The following CCDC88C variants were observed in gnomAD, a reference collection of about 807,000 sequenced individuals.
CCDC88C encodes coiled-coil and HOOK domain protein 88C.
Under a neutral mutation model 198.8 loss-of-function variants are expected in CCDC88C, and 131 were observed. That is an observed-to-expected ratio of 0.66 (90% confidence interval 0.57 to 0.76). CCDC88C has a LOEUF of 0.76. Ranked by LOEUF, CCDC88C falls within the 30% of genes least tolerant of loss-of-function variation. CCDC88C has a pLI of 0.00. For synonymous variants in CCDC88C, 1,166 were observed against 1,114.7 expected, an observed-to-expected ratio of 1.05 and a Z score of -0.92; for missense variants, 2,553 against 2,631.6, an observed-to-expected ratio of 0.97 and a Z score of 0.65.
rs780347442 is a variant in CCDC88C at position 91,300,065 on chromosome 14, C to A, written c.3641G>T (p.Gly1214Val). The A allele has an allele frequency of 5.0e-6, 8 of 1,607,832 alleles. No individual in the cohort carries two copies. The Admixed American group carries it at 1.3e-4, about 27-fold the overall frequency. ...CTCCGCCTTGCGCTTCAGCATGTCA[C>A]CGTGCCTGTTGGAGGGAAGCACCTG... ...LEHKELGERHGDMLKRKAELE... is the reference protein window; with the variant it reads ...LEHKELGERHVDMLKRKAELE... Residue 1214 changes from glycine to valine, a missense_variant, in exon 21 of 30, where the codon GGT becomes GTT. This residue lies in a region of CCDC88C where 1,293 missense variants were observed against 1,219.6 expected (regional missense o/e 1.06). Transcript: ENST00000389857.
In CCDC88C at chr14:91,381,273, C is replaced by T. The variant is rs529493302; in HGVS notation, c.271-21562G>A. Among the ~76,000 whole-genome samples the T allele has an allele frequency of 3.3e-5, 5 of 152,138 alleles. No individual in the cohort carries two copies. The highest frequency in any genetic ancestry group is 7.2e-5 in the African/African-American group (3 of 41,422). On this transcript the variant is annotated intron_variant, in intron 3 of 29. Coordinates refer to ENST00000389857, the MANE Select transcript of CCDC88C (RefSeq NM_001080414.4). This position sits in a 1 kb window ranked among gnomAD's most constrained non-coding sequence, Gnocchi z 4.2. The stretch of plus-strand genomic sequence containing the variant: ...ACCCACCAGACCCCTCACACATGCC[C>T]GTGAGGGGGTCAAACTCCAAATCTC...
chr14:91,379,164 TTCTCTGACCCCTCATG>T (rs1884632790), intron 3 of CCDC88C: 1 of 152,274 alleles, frequency 6.6e-6, no homozygotes, highest in Non-Finnish European at 1.5e-5. Context: ...TTCTGATCCC[TTCTCTGACCCCTCATG>T]TTACTGGTCC....
At chr14:91,379,345 G>C (rs1398870736) in intron 3 of CCDC88C, 1 of 154,150 alleles carries the variant, frequency 6.5e-6, no homozygotes, top group Non-Finnish European at 1.4e-5. Flanking sequence ...GGGGGAGGCA[G>C]CTCTGAGAGG....
In CCDC88C at chr14:91,272,680, G is replaced by C. The variant is rs372103701; in HGVS notation, c.6032C>G (p.Ser2011Cys). 5.7e-5 allele frequency: 92 copies of C among 1,611,626 alleles called. No homozygotes were observed. Among genetic ancestry groups the C allele is most frequent in the Admixed American group, 1.2e-4 (7 of 60,000 alleles). Residue 2011 changes from serine (S) to cysteine (C), a missense_variant, in exon 30 of 30, where the codon TCC becomes TGC. Around this residue, in one of 2 missense-constraint regions of CCDC88C, gnomAD observed 1,293 missense variants for 1,219.6 expected, o/e 1.06. Transcript: ENST00000389857. ...RGSVSKSSPA[S>C]PEPGGDPQTV... ...CTGCGGATCCCCGCCGGGCTCCGGG[G>C]AGGCCGGACTGCTCTTTGAGACGCT...
Position 91,289,143 on chromosome 14 carries a change from G to A in CCDC88C, c.4403C>T (p.Ala1468Val), listed in dbSNP as rs767301277. 6.2e-7 allele frequency: 1 copy of A among 1,613,474 alleles called. No individual in the cohort carries two copies. Among genetic ancestry groups the A allele is most frequent in the Admixed American group, 1.7e-5 (1 of 60,006 alleles). The part of the protein sequence containing the change: ...PDTPALGSNC[A>V]EERDAHNGSV... Reference sequence around the variant, plus strand: ...CCCGTTGTGGGCGTCGCGCTCTTCTGCACAGTTGGAGCCCAGTGCGGGGGT... The same window carrying A: ...CCCGTTGTGGGCGTCGCGCTCTTCTACACAGTTGGAGCCCAGTGCGGGGGT... The change falls in exon 25 of 30, where the codon GCA (alanine) becomes GTA (valine). Residue 1468 changes from alanine to valine, a missense_variant. Ala to Val is a moderately conservative substitution (Grantham distance 64). Transcript: ENST00000389857.
intron 3 of CCDC88C, among the ~76,000 whole-genome samples, chr14:91,375,905 A>C (rs934037915): frequency 6.6e-6 from 1 of 152,230 alleles, no homozygotes; most frequent in Non-Finnish European, 1.5e-5. Context: ...CCCATTTTAC[A>C]GAGGAATAAA....
Position 91,321,127 on chromosome 14 carries a change from CT to C in CCDC88C, c.1519del (p.Ser507AlafsTer28). On this transcript the variant is annotated frameshift_variant, in exon 13 of 30. Coordinates refer to ENST00000389857, the MANE Select transcript of CCDC88C (RefSeq NM_001080414.4). LOFTEE classifies it high-confidence loss of function. ...GELEKENHQL[S>X]KKIEKLQTQL... ...CTAAGGAGGCCGAGGTACCTTCTTG[CT>C]GAGCTGGTGGTTCTCCTTCTCCAGC... 1 of 1,608,912 alleles carries C rather than the reference CT, an allele frequency of 6.2e-7. No individual in the cohort carries two copies. The highest frequency in any genetic ancestry group is 8.5e-7 in the Non-Finnish European group (1 of 1,177,482).
chr14:91,321,098 T>C (rs1160528120), intron 13 of CCDC88C, 22 bp downstream of exon 13: 1 of 1,589,572 alleles, frequency 6.3e-7, no homozygotes, highest in African/African-American at 1.3e-5. Flanking sequence ...GCTTCCCCGG[T>C]GGCCTAAGGA....
intron 3 of CCDC88C, among the ~76,000 whole-genome samples, chr14:91,376,927 G>A (rs1033755144): frequency 6.6e-6 from 1 of 152,164 alleles, no homozygotes; most frequent in Non-Finnish European, 1.5e-5. Context: ...CCAGGACATC[G>A]TGAAGAACTG....
intron 15 of CCDC88C, among the ~76,000 whole-genome samples, chr14:91,311,133 C>T (rs1040564905): frequency 6.6e-6 from 1 of 152,170 alleles, no homozygotes; most frequent in African/African-American, 2.4e-5. Flanking sequence ...ACTGCTGGGT[C>T]AAGCAGAGGA....
chr14:91,278,179 T>C lies in CCDC88C; in HGVS notation c.4801A>G (p.Ser1601Gly). Residue 1601 changes from serine (S) to glycine (G), a missense_variant, in exon 29 of 30, where the codon AGC (serine) becomes GGC (glycine). Physicochemically the swap from Ser to Gly is moderately conservative, Grantham distance 56 (BLOSUM62 0). Transcript: ENST00000389857. Reference protein sequence around the residue: ...SSEQLHGRSESFSSEDLIPSR... With the variant: ...SSEQLHGRSEGFSSEDLIPSR... ...GGGATCAGGTCTTCGCTGCTGAAGC[T>C]CTCAGACCGGCCATGGAGCTGCTCG... 6.2e-7 allele frequency: 1 copy of C among 1,610,298 alleles called. No homozygotes were observed. Among genetic ancestry groups the C allele is most frequent in the Non-Finnish European group, 8.5e-7 (1 of 1,177,846 alleles).
In CCDC88C at chr14:91,411,917, C is replaced by G. The variant is rs1215118979; in HGVS notation, c.162-3150G>C. Among the ~76,000 whole-genome samples the G allele has an allele frequency of 2.1e-5, 3 of 145,440 alleles. No homozygotes were observed. In the Admixed American group the frequency reaches 2.1e-4, roughly 10 times the overall value. Reference sequence around the variant, plus strand: ...GGCAGAGGTTGCAATGAGCAGAGATCAAGCCACTACACTCCAGCCTGTGCA... The same window carrying G: ...GGCAGAGGTTGCAATGAGCAGAGATGAAGCCACTACACTCCAGCCTGTGCA... On this transcript the variant is annotated intron_variant, in intron 2 of 29. Transcript: ENST00000389857.
intron 28 of CCDC88C, 109 bp from the exon 29 acceptor site, chr14:91,278,320 T>G: frequency 9.1e-7 from 1 of 1,096,178 alleles, no homozygotes; most frequent in East Asian, 2.9e-5. Flanking sequence ...CAGAATAAAA[T>G]CCCTTGCCCG....
rs1405020154 is a variant in CCDC88C, at chr14:91,280,249, CCTGGGGTTCCTCTGCTCA to C, written c.4700-961_4700-944del. Among the ~76,000 whole-genome samples, 7 of 152,212 alleles carry C rather than the reference CCTGGGGTTCCTCTGCTCA, an allele frequency of 4.6e-5. No homozygotes were observed. The East Asian group carries it at 1.2e-3, about 25-fold the overall frequency. On this transcript the variant is annotated intron_variant, in intron 27 of 29. Coordinates refer to ENST00000389857, the MANE Select transcript of CCDC88C (RefSeq NM_001080414.4). The stretch of plus-strand genomic sequence containing the variant: ...ACCTCAGGAGCCTGCAGAAGAGACA[CCTGGGGTTCCTCTGCTCA>C]CTGTGCCACCAAGGCAAGTTCACTC...
Position 91,352,583 on chromosome 14 carries a change from T to A in CCDC88C, c.340+7059A>T, listed in dbSNP as rs894313247. The stretch of plus-strand genomic sequence containing the variant: ...AATGCCTGCAAGATTAGCTTTTTCT[T>A]ATTTCTTCCCTCCCATTCAAACGCC... On this transcript the variant is annotated intron_variant, in intron 4 of 29. Coordinates refer to ENST00000389857, the MANE Select transcript of CCDC88C (RefSeq NM_001080414.4). This position sits in a 1 kb window ranked among gnomAD's most constrained non-coding sequence, Gnocchi z 4.2. Among the ~76,000 whole-genome samples, 2 of 152,222 alleles carry A rather than the reference T, an allele frequency of 1.3e-5. No homozygotes were observed. The highest frequency in any genetic ancestry group is 1.3e-4 in the Admixed American group (2 of 15,284).
chr14:91,362,102 C>A (rs1171618367), intron 3 of CCDC88C, among the ~76,000 whole-genome samples: 3 of 152,044 alleles, frequency 2.0e-5, no homozygotes, highest in Non-Finnish European at 2.9e-5. Flanking sequence ...GGCCTGGTGA[C>A]GCATGCCTGT....
intron 3 of CCDC88C, among the ~76,000 whole-genome samples, chr14:91,385,647 G>A (rs1372363782): frequency 2.0e-5 from 3 of 152,062 alleles, no homozygotes; most frequent in African/African-American, 4.8e-5. Context: ...CCGAACAGGG[G>A]GCTAGATATT....
intron 29 of CCDC88C, among the ~76,000 whole-genome samples, chr14:91,277,195 C>T (rs1395951063): frequency 6.6e-6 from 1 of 151,838 alleles, no homozygotes; most frequent in East Asian, 1.9e-4. Flanking sequence ...TTTGTAGAGA[C>T]GGGTGTATTT....
intron 4 of CCDC88C, among the ~76,000 whole-genome samples, chr14:91,345,144 A>G (rs1596094220): frequency 1.4e-5 from 2 of 146,344 alleles, no homozygotes; most frequent in East Asian, 3.9e-4. Context: ...TATTTAACCA[A>G]TACCCCTTCC....
Sources: gnomAD v4.1 joint callset for allele counts (sites outside exome capture counted in the v4.1 genomes callset) on GRCh38, gnomAD v4.1.1 for gene constraint, gnomAD v4.1.1 regional missense constraint, Gnocchi (gnomAD v3.1) non-coding constraint, MANE v1.5 for transcripts, NCBI Gene and HGNC (gene_info 2026-07-23, HGNC 2026-07-21) for gene names.